Variants in ZNRF2 observed in about 807,000 individuals in gnomAD.
ZNRF2 encodes the protein E3 ubiquitin-protein ligase ZNRF2.
ZNRF2 carries 16 observed loss-of-function variants against 20.4 expected under a neutral mutation model. The ratio of observed to expected loss-of-function variants is 0.79; its 90% confidence interval spans 0.53 to 1.19. The LOEUF (loss-of-function observed/expected upper bound fraction) is 1.19. Among genes scored for constraint, ZNRF2 ranks in the 50% most tolerant of loss-of-function variants. The probability of loss-of-function intolerance (pLI) is 0.00; values close to 1 mark genes in which losing one functional copy is unlikely to be tolerated. For synonymous variants in ZNRF2, 178 were observed against 144.9 expected, an observed-to-expected ratio of 1.23 and a Z score of -1.64; for missense variants, 363 against 332.4, an observed-to-expected ratio of 1.09 and a Z score of -0.72.
intron 2 of ZNRF2, among the ~76,000 whole-genome samples, chr7:30,338,517 C>T (rs900435348): frequency 7.0e-6 from 1 of 143,426 alleles, no homozygotes; most frequent in African/African-American, 2.6e-5. Flanking sequence ...TGAGTGAGAA[C>T]ATGTGGTGTT....
intron 4 of ZNRF2, among the ~76,000 whole-genome samples, chr7:30,363,901 TATATC>T (rs1206394954): frequency 6.6e-6 from 1 of 152,240 alleles, no homozygotes; most frequent in Non-Finnish European, 1.5e-5. Flanking sequence ...ATTGGATTGT[TATATC>T]AAGGCAGAGC....
intron 2 of ZNRF2, among the ~76,000 whole-genome samples, chr7:30,344,931 T>C (rs1030172034): frequency 2.0e-5 from 3 of 152,224 alleles, no homozygotes; most frequent in Non-Finnish European, 2.9e-5. Flanking sequence ...TATAATAATG[T>C]GTTTCTGTGG....
At chr7:30,306,322 T>G (rs1364008238) in intron 1 of ZNRF2, among the ~76,000 whole-genome samples, 1 of 150,378 alleles carries the variant, frequency 6.6e-6, no homozygotes, top group Non-Finnish European at 1.5e-5. Flanking sequence ...CTTTTATGGC[T>G]TATTATCAAA....
rs1011426179 is a variant in ZNRF2, at chr7:30,367,260, T to A, written c.*1248T>A. The A allele has an allele frequency of 6.6e-6, 1 of 152,616 alleles. No individual in the cohort carries two copies. Among genetic ancestry groups the A allele is most frequent in the South Asian group, 2.1e-4 (1 of 4,832 alleles). 9.5% of individuals were successfully genotyped at this position (152,616 alleles called of 1,614,324 possible). A position where few individuals can be genotyped will look rare whatever the true frequency, so the allele number is the denominator to read the frequency against. On this transcript the variant is annotated 3_prime_UTR_variant, in exon 5 of 5. Transcript: ENST00000323037. ...TAAATTCAGTTTGTGTAGAAAGAAA[T>A]GTGTTAAACAAAATTATGTTAATAA...
chr7:30,342,214 T>G (rs1375192124), intron 2 of ZNRF2, among the ~76,000 whole-genome samples: 1 of 152,220 alleles, frequency 6.6e-6, no homozygotes, highest in African/African-American at 2.4e-5. Context: ...ATTGGGGCAT[T>G]TAGCCCATTT....
At chr7:30,303,058 A>G (rs1172880609) in intron 1 of ZNRF2, among the ~76,000 whole-genome samples, 1 of 152,116 alleles carries the variant, frequency 6.6e-6, no homozygotes, top group Non-Finnish European at 1.5e-5. Flanking sequence ...AGGCGAGTGG[A>G]TAGCTTGACC....
chr7:30,307,340 T>G (rs1480054855), intron 1 of ZNRF2, among the ~76,000 whole-genome samples: 22 of 143,454 alleles, frequency 1.5e-4, no homozygotes, highest in Middle Eastern at 3.6e-3. Context: ...TTTTTTTTTT[T>G]TTTTTTTTTT....
At chr7:30,325,421 T>C (rs1799536959) in intron 2 of ZNRF2, among the ~76,000 whole-genome samples, 1 of 152,168 alleles carries the variant, frequency 6.6e-6, no homozygotes, top group Non-Finnish European at 1.5e-5. Flanking sequence ...GAAATGGAGC[T>C]TACAGCCTAC....
chr7:30,338,885 CCCA>C (rs1799755624), intron 2 of ZNRF2, among the ~76,000 whole-genome samples: 1 of 152,170 alleles, frequency 6.6e-6, no homozygotes, highest in Non-Finnish European at 1.5e-5. Flanking sequence ...AATTTACACT[CCCA>C]CCAACAGTGC....
At chr7:30,315,866 TTGAG>T (rs997025663) in intron 1 of ZNRF2, among the ~76,000 whole-genome samples, 102 of 151,968 alleles carry the variant, frequency 6.7e-4, no homozygotes, top group Non-Finnish European at 1.3e-4. Flanking sequence ...ATTCAAATAT[TTGAG>T]TGATAGTGTG....
At chr7:30,315,728 G>GGT (rs1491475775) in intron 1 of ZNRF2, among the ~76,000 whole-genome samples, 31 of 50,244 alleles carry the variant, frequency 6.2e-4, no homozygotes, top group Middle Eastern at 0.026. Context: ...AAGGTGGGGC[G>GGT]GGGGGGGGGG....
At chr7:30,349,398 C>T (rs1471546051) in intron 2 of ZNRF2, among the ~76,000 whole-genome samples, 2 of 152,100 alleles carry the variant, frequency 1.3e-5, no homozygotes. Context: ...AAAACAAACT[C>T]AGACTCCCTT....
In ZNRF2 at chr7:30,348,291, A is replaced by G. The variant is rs970979511; in HGVS notation, c.566-7437A>G. Among the ~76,000 whole-genome samples, 45 of 151,400 alleles carry G rather than the reference A, an allele frequency of 3.0e-4. 1 individual carries two copies. Among genetic ancestry groups the G allele is most frequent in the Non-Finnish European group, 1.5e-5 (1 of 67,930 alleles). On this transcript the variant is annotated intron_variant, in intron 2 of 4. Coordinates refer to ENST00000323037, the MANE Select transcript of ZNRF2 (RefSeq NM_147128.4). ...TTGCTTTGGGGCATTTTCTCTGTTC[A>G]TTGGCTCTTCACTTGTTGCTTGGTG...
chr7:30,350,170 T>C (rs1035188887), intron 2 of ZNRF2, among the ~76,000 whole-genome samples: 2 of 152,044 alleles, frequency 1.3e-5, no homozygotes, highest in Non-Finnish European at 1.5e-5. Flanking sequence ...GCTCCTTTTG[T>C]ATATTGTAGC....
chr7:30,296,324 T>C (rs923691971), intron 1 of ZNRF2, among the ~76,000 whole-genome samples: 1 of 152,246 alleles, frequency 6.6e-6, no homozygotes, highest in Non-Finnish European at 1.5e-5. Context: ...TCTTTTATAA[T>C]CATTTGAATG....
At chr7:30,303,404 G>A (rs1249851194) in intron 1 of ZNRF2, among the ~76,000 whole-genome samples, 1 of 151,896 alleles carries the variant, frequency 6.6e-6, no homozygotes, top group Non-Finnish European at 1.5e-5. Flanking sequence ...CAAACTTTTG[G>A]TGGGCCTGAG....
chr7:30,297,392 G>A (rs997813428), intron 1 of ZNRF2, among the ~76,000 whole-genome samples: 3 of 152,030 alleles, frequency 2.0e-5, no homozygotes, highest in Non-Finnish European at 4.4e-5. Flanking sequence ...GTTCTCCATT[G>A]TTTTTAGCCG....
At chr7:30,317,114 G>A (rs1799387528) in intron 1 of ZNRF2, among the ~76,000 whole-genome samples, 1 of 152,140 alleles carries the variant, frequency 6.6e-6, no homozygotes, top group African/African-American at 2.4e-5. Flanking sequence ...CCAGTAATTA[G>A]AATTTCCTAA....
chr7:30,302,474 A>G (rs1034511047), intron 1 of ZNRF2, among the ~76,000 whole-genome samples: 3 of 152,094 alleles, frequency 2.0e-5, no homozygotes, highest in African/African-American at 2.4e-5. Flanking sequence ...TAAGAAATGT[A>G]TAGTCTCTAG....
Sources: allele counts gnomAD v4.1 joint callset (sites outside exome capture counted in the v4.1 genomes callset), GRCh38; gene constraint gnomAD v4.1.1; transcripts MANE v1.5; gene names NCBI Gene and HGNC (gene_info 2026-07-23, HGNC 2026-07-21).